Variants in SYNE2 observed in about 807,000 individuals in gnomAD.
SYNE2 encodes spectrin repeat containing nuclear envelope protein 2.
SYNE2 carries 431 observed loss-of-function variants against 856.3 expected under a neutral mutation model. The observed-to-expected ratio is 0.50, with a 90% CI of 0.47 to 0.55. The LOEUF is 0.55. Among genes scored for constraint, SYNE2 ranks in the 20% least tolerant of loss-of-function variants. SYNE2 has a pLI of 0.00. For missense variants in SYNE2, 8,129 were observed against 8,023.2 expected (o/e 1.01, Z -0.50); for synonymous variants, 2,923 against 2,872.3 (o/e 1.02, Z -0.56).
At chr14:63,861,931 A>C (rs952786485) in intron 1 of SYNE2, among the ~76,000 whole-genome samples, 4 of 152,344 alleles carry the variant, frequency 2.6e-5, no homozygotes, top group Non-Finnish European at 5.9e-5. Flanking sequence ...ATTCAAAAGC[A>C]GAGATAATAG....
chr14:63,962,277 AACCCCTGACT>A (rs2096329347), intron 9 of SYNE2, among the ~76,000 whole-genome samples: 1 of 151,958 alleles, frequency 6.6e-6, no homozygotes, highest in African/African-American at 2.4e-5. Flanking sequence ...GCTGGTCTCG[AACCCCTGACT>A]TCAAGTGATC....
chr14:64,125,343 C>T lies in SYNE2; in HGVS notation c.13554+133C>T, dbSNP rs1163429280. On this transcript the variant is annotated intron_variant, in intron 71 of 115. Transcript: ENST00000555002. ...CATAATGGAATGGGTCCTAGGATTG[C>T]AAATTGAATTGATCTTGCTTGCCAA... The T allele has an allele frequency of 2.3e-6, 3 of 1,307,640 alleles. No homozygotes were observed. In the African/African-American group the frequency reaches 4.4e-5, roughly 19 times the overall value. The allele number at this position is 1,307,640 out of a possible 1,614,324, so 81.0% of individuals were successfully genotyped here.
At position 64,144,827 on chromosome 14, in the gene SYNE2, G is replaced by A. The variant is rs372914500; in HGVS notation, c.15483+879G>A. Among the ~76,000 whole-genome samples the A allele has an allele frequency of 2.1e-4, 32 of 151,550 alleles. 1 individual carries two copies. Among genetic ancestry groups the A allele is most frequent in the Middle Eastern group, 3.4e-3 (1 of 292 alleles). On this transcript the variant is annotated intron_variant, in intron 83 of 115. Transcript: ENST00000555002. ...TGCACAGAGTGTTCAATTCAGCATC[G>A]TTTACAGCTGTGAAAATGTACCATG...
intron 35 of SYNE2, among the ~76,000 whole-genome samples, chr14:64,021,070 G>A (rs2096932364): frequency 6.6e-6 from 1 of 152,086 alleles, no homozygotes. Context: ...TTGTGTTGAG[G>A]GGAAGGATCA....
In SYNE2 at chr14:64,003,279, A is replaced by C; in HGVS notation, c.4346A>C (p.Gln1449Pro). The C allele has an allele frequency of 6.2e-7, 1 of 1,614,148 alleles. No homozygotes were observed. The highest frequency in any genetic ancestry group is 8.5e-7 in the Non-Finnish European group (1 of 1,180,020). The change falls in exon 30 of 116, where the codon CAA becomes CCA. Residue 1449 changes from glutamine to proline, a missense_variant. Gln to Pro is a moderately conservative substitution (Grantham distance 76). Transcript: ENST00000555002. ...LLKNIQDVQS[Q>P]ISKIGLKDPT... ...AAAAATATTCAAGATGTGCAGAGTC[A>C]AATCAGTAAAATTGGTCTTAAGGAT...
At chr14:64,150,405 A>G (rs1319012215) in intron 84 of SYNE2, among the ~76,000 whole-genome samples, 1 of 149,430 alleles carries the variant, frequency 6.7e-6, no homozygotes, top group Non-Finnish European at 1.5e-5. Flanking sequence ...TTTTTTTGTA[A>G]CGGCAGAGTT....
rs202052357 is a variant in SYNE2 at position 64,216,286 on chromosome 14, G to C, written c.19441G>C (p.Asp6481His). Residue 6481 changes from aspartate (D) to histidine (H), a missense_variant, in exon 108 of 116, where the codon GAC (aspartate) becomes CAC (histidine). Coordinates refer to ENST00000555002, the MANE Select transcript of SYNE2 (RefSeq NM_182914.3). ...ISDGHSWHVP[D>H]SPSCPEHHYK... Reference sequence around the variant, plus strand: ...GGATGGCCACTCGTGGCATGTTCCCGACAGCCCTTCCTGTCCCGAGCATCA... The same window carrying C: ...GGATGGCCACTCGTGGCATGTTCCCCACAGCCCTTCCTGTCCCGAGCATCA... The C allele has an allele frequency of 2.7e-5, 43 of 1,614,130 alleles. No individual in the cohort carries two copies. Among genetic ancestry groups the C allele is most frequent in the Non-Finnish European group, 3.2e-5 (38 of 1,180,036 alleles).
chr14:63,945,104 CTTTTTTTTTTTTT>C (rs34692882), intron 6 of SYNE2, among the ~76,000 whole-genome samples: 1 of 106,254 alleles, frequency 9.4e-6, no homozygotes, highest in Middle Eastern at 7.4e-3. Context: ...CACACCTGGC[CTTTTTTTTTTTTT>C]TTTTTTTTTA....
chr14:64,085,053 C>T (rs2153617584), intron 57 of SYNE2: 2 of 699,274 alleles, frequency 2.9e-6, no homozygotes, highest in Non-Finnish European at 5.2e-6. Context: ...TGAGAGAGAG[C>T]TGTCAAGACA....
At chr14:64,174,536 T>A (rs2098424987) in intron 94 of SYNE2, among the ~76,000 whole-genome samples, 1 of 152,258 alleles carries the variant, frequency 6.6e-6, no homozygotes, top group African/African-American at 2.4e-5. Context: ...CTTTCTCGCG[T>A]TCTTTCCTTT....
intron 90 of SYNE2, among the ~76,000 whole-genome samples, chr14:64,165,956 C>G (rs1035694722): frequency 1.3e-5 from 2 of 151,966 alleles, no homozygotes; most frequent in Non-Finnish European, 2.9e-5. Context: ...TCATAATTAC[C>G]GTCAGTGAAC....
At chr14:64,124,334 G>C (rs1161943802) in intron 70 of SYNE2, among the ~76,000 whole-genome samples, 2 of 151,944 alleles carry the variant, frequency 1.3e-5, no homozygotes, top group Non-Finnish European at 2.9e-5. Flanking sequence ...TAGGACTACA[G>C]GTGTGCAGCA....
chr14:63,816,060 T>G (rs1363138419), intron 1 of SYNE2, among the ~76,000 whole-genome samples: 1 of 151,512 alleles, frequency 6.6e-6, no homozygotes, highest in African/African-American at 2.4e-5. Context: ...GCAATTCTCC[T>G]GCCTCAGACT....
At chr14:63,986,396 GA>G in intron 18 of SYNE2, 59 bp from the exon 19 acceptor site, 1 of 1,591,512 alleles carries the variant, frequency 6.3e-7, no homozygotes, top group Non-Finnish European at 8.6e-7. Flanking sequence ...TTTTGAAAAG[GA>G]AAATTATTTT....
chr14:63,808,675 C>T (rs966429767), intron 1 of SYNE2: 1 of 152,324 alleles, frequency 6.6e-6, no homozygotes, highest in Admixed American at 6.5e-5. Flanking sequence ...CTCCATTATC[C>T]ACAATGTCAA....
At chr14:63,967,624 A>G in intron 10 of SYNE2, 85 bp from the exon 11 acceptor site, 1 of 1,409,206 alleles carries the variant, frequency 7.1e-7, no homozygotes, top group East Asian at 2.5e-5. Flanking sequence ...AATATATCCT[A>G]TACCTATAGA....
intron 1 of SYNE2, among the ~76,000 whole-genome samples, chr14:63,775,944 C>T (rs1887092311): frequency 6.6e-6 from 1 of 152,176 alleles, no homozygotes. Flanking sequence ...ATACAGAGTG[C>T]ATTTGGTAAA....
chr14:63,952,068 A>G (rs765473033), intron 7 of SYNE2, among the ~76,000 whole-genome samples: 3 of 152,188 alleles, frequency 2.0e-5, no homozygotes, highest in Non-Finnish European at 2.9e-5. Context: ...TTTCAATAAG[A>G]CTGTTTTGTA....
intron 1 of SYNE2, among the ~76,000 whole-genome samples, chr14:63,900,554 G>C (rs1338478906): frequency 6.6e-6 from 1 of 152,118 alleles, no homozygotes; most frequent in Non-Finnish European, 1.5e-5. Context: ...CCCCCACTAG[G>C]TTCCTCCCAT....
Sources: allele counts gnomAD v4.1 joint callset (sites outside exome capture counted in the v4.1 genomes callset), GRCh38; gene constraint gnomAD v4.1.1; transcripts MANE v1.5; gene names NCBI Gene and HGNC (gene_info 2026-07-23, HGNC 2026-07-21).